Variants in DNAJC18 observed in about 807,000 individuals in gnomAD.
DNAJC18 encodes the protein DnaJ heat shock protein family (Hsp40) member C18, also known as dnaJ homolog subfamily C member 18.
In DNAJC18, 40 loss-of-function variants were observed where a neutral mutation model predicts 48.6. The observed-to-expected ratio is 0.82, with a 90% CI of 0.64 to 1.07. The LOEUF (loss-of-function observed/expected upper bound fraction) is 1.07, where lower values mean the gene tolerates loss of function less well. Among genes scored for constraint, DNAJC18 ranks in the 50% least tolerant of loss-of-function variants. The probability of loss-of-function intolerance (pLI) is 0.00; values close to 1 mark genes in which losing one functional copy is unlikely to be tolerated. For missense variants in DNAJC18, 340 were observed against 427.7 expected, an observed-to-expected ratio of 0.79 and a Z score of 1.81; for synonymous variants, 135 against 152.2, an observed-to-expected ratio of 0.89 and a Z score of 0.83.
intron 2 of DNAJC18, among the ~76,000 whole-genome samples, chr5:139,432,121 C>T (rs1759338922): frequency 6.6e-6 from 1 of 151,392 alleles, no homozygotes. Context: ...ATCAGATATA[C>T]AGTTTTTAAA....
rs1759029403 is a variant in DNAJC18 at position 139,413,727 on chromosome 5, G to T, written c.*421C>A. 2 of 156,282 alleles carry T rather than the reference G, an allele frequency of 1.3e-5. No individual in the cohort carries two copies. Among genetic ancestry groups the T allele is most frequent in the African/African-American group, 4.8e-5 (2 of 41,594 alleles). 9.7% of individuals were successfully genotyped at this position (156,282 alleles called of 1,614,324 possible). A position where few individuals can be genotyped will look rare whatever the true frequency, so the allele number is the denominator to read the frequency against. On this transcript the variant is annotated 3_prime_UTR_variant, in exon 8 of 8. Coordinates refer to ENST00000302060, the MANE Select transcript of DNAJC18 (RefSeq NM_152686.4). ...GATGATGACTCTAATGAAGGGAGAGGTATAATTCTTGGTAGACAGTGTAAA... is the reference window on the plus strand; with the variant it reads ...GATGATGACTCTAATGAAGGGAGAGTTATAATTCTTGGTAGACAGTGTAAA...
rs557143945 is a variant in DNAJC18, at chr5:139,416,308, CCA to C, written c.953-2038_953-2037del. On this transcript the variant is annotated intron_variant, in intron 7 of 7. Transcript: ENST00000302060. ...CAGAAAGTTCCCCTTCCTCTGAATG[CCA>C]CTGTAACAGATGGACAGAGCATTGA... 4.9e-4 allele frequency among the ~76,000 whole-genome samples: 74 copies of C among 152,276 alleles called. 1 individual carries two copies. The highest frequency in any genetic ancestry group is 2.5e-3 in the Admixed American group (39 of 15,300).
At chr5:139,414,920 C>G (rs1023962667) in intron 7 of DNAJC18, among the ~76,000 whole-genome samples, 1 of 152,202 alleles carries the variant, frequency 6.6e-6, no homozygotes, top group East Asian at 1.9e-4. Context: ...TGGAGAAGGT[C>G]ATTCTATTTT....
intron 3 of DNAJC18, 134 bp from the exon 4 acceptor site, chr5:139,426,491 G>C: frequency 9.5e-7 from 1 of 1,051,502 alleles, no homozygotes; most frequent in Middle Eastern, 3.2e-4. Context: ...GAGATGCTTG[G>C]GCCTAGAAAG....
intron 2 of DNAJC18, among the ~76,000 whole-genome samples, 168 bp downstream of exon 2, chr5:139,437,204 C>A (rs1750682174): frequency 6.6e-6 from 1 of 152,074 alleles, no homozygotes; most frequent in Non-Finnish European, 1.5e-5. Flanking sequence ...TCATGTTATA[C>A]CCTAATATTC....
intron 2 of DNAJC18, among the ~76,000 whole-genome samples, chr5:139,429,540 G>A (rs1261022353): frequency 1.3e-5 from 2 of 152,094 alleles, no homozygotes; most frequent in East Asian, 3.9e-4. Flanking sequence ...TGGATCCTAT[G>A]TACAGAGAGT....
At position 139,422,707 on chromosome 5, in the gene DNAJC18, C is replaced by T. The variant is rs756533994; in HGVS notation, c.779+1G>A. 6.3e-6 allele frequency: 10 copies of T among 1,589,578 alleles called. No homozygotes were observed. The highest frequency in any genetic ancestry group is 1.8e-5 in the Admixed American group (1 of 56,166). On this transcript the variant is annotated splice_donor_variant, in intron 6 of 7. Coordinates refer to ENST00000302060, the MANE Select transcript of DNAJC18 (RefSeq NM_152686.4). LOFTEE classifies it high-confidence loss of function. ...GAAAGATTTAGAAATACCAGACTTA[C>T]GATTTATAGAACAGACTATATGGGG...
At chr5:139,418,976 CAG>C in intron 7 of DNAJC18, 1 of 420,736 alleles carries the variant, frequency 2.4e-6, no homozygotes, top group South Asian at 1.7e-5. Context: ...TTTAAGAACA[CAG>C]AGGAAGGAGA....
intron 2 of DNAJC18, among the ~76,000 whole-genome samples, chr5:139,434,881 G>GGT (rs1370886065): frequency 6.6e-6 from 1 of 151,948 alleles, no homozygotes; most frequent in African/African-American, 2.4e-5. Flanking sequence ...GCCCTGGCTT[G>GGT]ACCCTCTAGT....
At chr5:139,421,984 T>C (rs967354919) in intron 6 of DNAJC18, among the ~76,000 whole-genome samples, 1 of 152,152 alleles carries the variant, frequency 6.6e-6, no homozygotes, top group African/African-American at 2.4e-5. Context: ...TATTATTCAT[T>C]ATTAACAAAA....
chr5:139,428,412 A>T (rs1759275752), intron 3 of DNAJC18, 126 bp downstream of exon 3: 1 of 1,257,052 alleles, frequency 8.0e-7, no homozygotes, highest in Non-Finnish European at 1.1e-6. Context: ...ATCACTATTT[A>T]AGAGGTGTGG....
intron 2 of DNAJC18, among the ~76,000 whole-genome samples, chr5:139,430,410 C>T (rs1310993621): frequency 1.3e-5 from 2 of 152,146 alleles, no homozygotes; most frequent in Non-Finnish European, 2.9e-5. Flanking sequence ...GTCAAAATGC[C>T]TTGGTTTAGC....
At chr5:139,423,067 C>T (rs1759180613) in intron 5 of DNAJC18, among the ~76,000 whole-genome samples, 2 of 152,072 alleles carry the variant, frequency 1.3e-5, no homozygotes, top group African/African-American at 4.8e-5. Flanking sequence ...CTCCTGACCT[C>T]GTGATCTGCC....
chr5:139,419,770 G>A (rs914491692), intron 7 of DNAJC18, among the ~76,000 whole-genome samples: 1 of 152,136 alleles, frequency 6.6e-6, no homozygotes, highest in Non-Finnish European at 1.5e-5. Context: ...GAGAGGAGAG[G>A]GGGCAGATTG....
intron 7 of DNAJC18, chr5:139,419,236 G>A (rs1208345055): frequency 3.3e-5 from 14 of 427,676 alleles, no homozygotes; most frequent in Admixed American, 1.3e-4. Flanking sequence ...AGTCACTAAC[G>A]CGGTATGTGT....
At chr5:139,428,807 A>G (rs1562000443) in intron 2 of DNAJC18, 124 bp from the exon 3 acceptor site, 11 of 1,165,540 alleles carry the variant, frequency 9.4e-6, no homozygotes, top group Non-Finnish European at 1.3e-5. Flanking sequence ...AAATTAGTGC[A>G]CACGTTAATG....
intron 4 of DNAJC18, among the ~76,000 whole-genome samples, chr5:139,425,587 C>T (rs901115347): frequency 6.6e-6 from 1 of 152,148 alleles, no homozygotes; most frequent in African/African-American, 2.4e-5. Flanking sequence ...GGAGCTAAAG[C>T]GTGCTGAGCT....
chr5:139,432,033 C>T lies in DNAJC18; in HGVS notation c.228-3350G>A, dbSNP rs191014349. On this transcript the variant is annotated intron_variant, in intron 2 of 7. Transcript: ENST00000302060. Reference sequence around the variant, plus strand: ...AGGAATGCCTATTCAGACCCTTTGCCCATTTTTCCAATTGGGTTATTTGTC... The same window carrying T: ...AGGAATGCCTATTCAGACCCTTTGCTCATTTTTCCAATTGGGTTATTTGTC... Among the ~76,000 whole-genome samples the T allele has an allele frequency of 1.6e-4, 25 of 152,204 alleles. No homozygotes were observed. In the South Asian group the frequency reaches 1.9e-3, roughly 11 times the overall value.
chr5:139,410,262 T>C lies in DNAJC18; in HGVS notation c.*3886A>G, dbSNP rs767734038. On this transcript the variant is annotated 3_prime_UTR_variant, in exon 8 of 8. Coordinates refer to ENST00000302060, the MANE Select transcript of DNAJC18 (RefSeq NM_152686.4). ...TGTTGCAGTACACTCAATCCAGATG[T>C]AGTGGATGAGGTGGCCAGATTTTTT... The C allele has an allele frequency of 2.2e-4, 33 of 152,252 alleles. No individual in the cohort carries two copies. The highest frequency in any genetic ancestry group is 3.8e-4 in the Non-Finnish European group (26 of 68,044). The allele number at this position is 152,252 out of a possible 1,614,324, so 9.4% of individuals were successfully genotyped here.
Sources: gnomAD v4.1 joint callset for allele counts (sites outside exome capture counted in the v4.1 genomes callset) on GRCh38, gnomAD v4.1.1 for gene constraint, MANE v1.5 for transcripts, NCBI Gene and HGNC (gene_info 2026-07-23, HGNC 2026-07-21) for gene names.